SUDS3: variants seen among roughly 807,000 people sequenced by gnomAD.
SUDS3 encodes the protein SIN3A corepressor complex component SDS3.
A neutral mutation model predicts 53.5 loss-of-function variants in SUDS3; 23 were observed. That is an observed-to-expected ratio of 0.43 (90% CI 0.31 to 0.61). SUDS3 has a LOEUF of 0.61. Ranked by LOEUF, SUDS3 falls within the 20% of genes least tolerant of loss-of-function variation. The probability of loss-of-function intolerance (pLI) is 0.10; values close to 1 mark genes in which losing one functional copy is unlikely to be tolerated. For synonymous variants in SUDS3, 150 were observed against 148.5 expected (o/e 1.01, Z -0.08); for missense variants, 291 against 405.9 (o/e 0.72, Z 2.43).
At chr12:118,389,796 T>C in intron 4 of SUDS3, 131 bp from the exon 5 acceptor site, 3 of 1,101,836 alleles carry the variant, frequency 2.7e-6, no homozygotes, top group African/African-American at 1.5e-5. Context: ...TATCAACATT[T>C]CACTGATGAA....
intron 10 of SUDS3, among the ~76,000 whole-genome samples, chr12:118,407,853 G>A (rs2046321830): frequency 6.6e-6 from 1 of 151,162 alleles, no homozygotes; most frequent in African/African-American, 2.4e-5. Context: ...TGAGTAGCTG[G>A]GACTACAGGC....
rs1356662405 is a variant in SUDS3 at position 118,376,745 on chromosome 12, G to T, written c.54G>T (p.Pro18=). The T allele has an allele frequency of 3.2e-6, 5 of 1,538,590 alleles. No individual in the cohort carries two copies. The highest frequency in any genetic ancestry group is 3.5e-6 in the Non-Finnish European group (4 of 1,147,806). ...APAPAQAGAP[P]APEYYPEEDE... is the part of the protein sequence containing the mutation. ...CCCCGGCCCAGGCTGGAGCGCCGCC[G>T]GCCCCCGAGTACTACCCCGAGGAGG... is the stretch of plus-strand genomic sequence containing the variant. The change falls in exon 1 of 12, where the codon CCG becomes CCT. Residue 18 remains proline (P), a synonymous_variant. Transcript: ENST00000543473.
chr12:118,378,743 T>G (rs1037633909), intron 1 of SUDS3, among the ~76,000 whole-genome samples: 3 of 152,160 alleles, frequency 2.0e-5, no homozygotes, highest in Admixed American at 1.3e-4. Flanking sequence ...TGGCGCGATC[T>G]CGGCTCACCA....
intron 1 of SUDS3, among the ~76,000 whole-genome samples, chr12:118,379,672 G>A (rs1447127076): frequency 1.3e-5 from 2 of 152,128 alleles, no homozygotes; most frequent in African/African-American, 2.4e-5. Context: ...AGCGAGTAAG[G>A]CTTGACTGCC....
intron 10 of SUDS3, 147 bp downstream of exon 10, chr12:118,403,664 A>G: frequency 1.5e-6 from 1 of 665,800 alleles, no homozygotes; most frequent in South Asian, 1.9e-5. Flanking sequence ...ATGTATTAGC[A>G]GTCATTTAAT....
chr12:118,386,740 A>G (rs1045099357), intron 4 of SUDS3, among the ~76,000 whole-genome samples: 8 of 152,222 alleles, frequency 5.3e-5, no homozygotes, highest in Non-Finnish European at 1.0e-4. Context: ...GTCATGTAAC[A>G]CATTGCTTTG....
At chr12:118,402,538 G>A (rs1426086524) in intron 9 of SUDS3, 1 of 153,756 alleles carries the variant, frequency 6.5e-6, no homozygotes, top group Non-Finnish European at 1.4e-5. Context: ...TTCTGAATTG[G>A]TGACATCTTT....
chr12:118,380,577 TTTAAA>T (rs1032476772), intron 2 of SUDS3, among the ~76,000 whole-genome samples: 90 of 152,358 alleles, frequency 5.9e-4, no homozygotes, highest in African/African-American at 2.1e-3. Context: ...ATTTCTCCAC[TTTAAA>T]TTAATTACAT....
At chr12:118,386,925 G>A (rs779448454) in intron 4 of SUDS3, among the ~76,000 whole-genome samples, 1 of 152,182 alleles carries the variant, frequency 6.6e-6, no homozygotes, top group African/African-American at 2.4e-5. Flanking sequence ...AATTTTTAAC[G>A]CTCATCATCA....
intron 6 of SUDS3, among the ~76,000 whole-genome samples, chr12:118,397,470 G>A (rs547981499): frequency 5.9e-5 from 9 of 152,242 alleles, no homozygotes; most frequent in Admixed American, 1.3e-4. Flanking sequence ...CCAACCTGGC[G>A]TTGGAGCAAG....
At chr12:118,411,286 C>T (rs1048352040) in intron 11 of SUDS3, 129 bp downstream of exon 11, 3 of 779,232 alleles carry the variant, frequency 3.8e-6, no homozygotes, top group Admixed American at 2.6e-5. Context: ...GGGTTAGATT[C>T]TAAAGTCAGG....
chr12:118,410,215 A>G (rs981517259), intron 10 of SUDS3, among the ~76,000 whole-genome samples: 2 of 152,228 alleles, frequency 1.3e-5, no homozygotes, highest in African/African-American at 4.8e-5. Context: ...GTGCTTAATG[A>G]GTATTTTTGA....
intron 6 of SUDS3, among the ~76,000 whole-genome samples, chr12:118,392,342 C>T (rs572335701): frequency 6.6e-6 from 1 of 152,246 alleles, no homozygotes; most frequent in Non-Finnish European, 1.5e-5. Flanking sequence ...GTGCTGTGAA[C>T]CAGCTTGGCC....
rs570370569 is a variant in SUDS3, at chr12:118,391,777, A to C, written c.517+495A>C. ...TCCCTTTGACCTAGATGTAAGAACA[A>C]AGGCTTTTGGCTATATCCTCTATGC... On this transcript the variant is annotated intron_variant, in intron 6 of 11. Coordinates refer to ENST00000543473, the MANE Select transcript of SUDS3 (RefSeq NM_022491.3). Among the ~76,000 whole-genome samples, 4 of 152,304 alleles carry C rather than the reference A, an allele frequency of 2.6e-5. No individual in the cohort carries two copies. In the South Asian group the frequency reaches 8.3e-4, roughly 32 times the overall value.
chr12:118,378,931 TC>T, intron 1 of SUDS3, among the ~76,000 whole-genome samples: 1 of 151,942 alleles, frequency 6.6e-6, no homozygotes. Flanking sequence ...TGCCTTTGCC[TC>T]CCAAAGTGCT....
At chr12:118,394,311 A>G (rs2046194770) in intron 6 of SUDS3, among the ~76,000 whole-genome samples, 1 of 151,914 alleles carries the variant, frequency 6.6e-6, no homozygotes, top group Non-Finnish European at 1.5e-5. Flanking sequence ...GGGATTGGGA[A>G]CTCACTGAGT....
chr12:118,405,402 G>GT (rs35874763), intron 10 of SUDS3, among the ~76,000 whole-genome samples: 103 of 152,090 alleles, frequency 6.8e-4, no homozygotes, highest in South Asian at 1.7e-3. Context: ...TAAAATTCTT[G>GT]TTTTTTTAAA....
chr12:118,409,367 G>A (rs891936794), intron 10 of SUDS3, among the ~76,000 whole-genome samples: 3 of 152,038 alleles, frequency 2.0e-5, no homozygotes, highest in Admixed American at 1.3e-4. Flanking sequence ...GGCTGGTCTC[G>A]ATCTCCTGAC....
chr12:118,384,142 A>T, intron 3 of SUDS3, 75 bp downstream of exon 3: 1 of 1,449,632 alleles, frequency 6.9e-7, no homozygotes. Context: ...TGTGTATTTC[A>T]CTTCTCTGTG....
Sources: gnomAD v4.1 joint callset for allele counts (sites outside exome capture counted in the v4.1 genomes callset) on GRCh38, gnomAD v4.1.1 for gene constraint, MANE v1.5 for transcripts, NCBI Gene and HGNC (gene_info 2026-07-23, HGNC 2026-07-21) for gene names.